TMEM242: variants seen among roughly 807,000 people sequenced by gnomAD.
TMEM242 encodes the protein UPF0463 transmembrane protein C6orf35.
In TMEM242, 10 loss-of-function variants were observed where a neutral mutation model predicts 18.2. The observed-to-expected ratio is 0.55, with a 90% confidence interval of 0.34 to 0.93. TMEM242 has a LOEUF of 0.93. Ranked by LOEUF, TMEM242 falls within the 40% of genes least tolerant of loss-of-function variation. The probability of loss-of-function intolerance (pLI) is 0.02; values close to 1 mark genes in which losing one functional copy is unlikely to be tolerated. For missense variants in TMEM242, 186 were observed against 175.5 expected, an observed-to-expected ratio of 1.06 and a Z score of -0.34; for synonymous variants, 57 against 69.9, an observed-to-expected ratio of 0.81 and a Z score of 0.92.
intron 3 of TMEM242, among the ~76,000 whole-genome samples, chr6:157,306,249 T>A (rs1249213135): frequency 6.6e-6 from 1 of 152,130 alleles, no homozygotes; most frequent in Admixed American, 6.5e-5. Context: ...GCCAGAGTGC[T>A]CTGGCAGAAG....
At chr6:157,297,783 G>A (rs587759626) in intron 3 of TMEM242, among the ~76,000 whole-genome samples, 14 of 152,306 alleles carry the variant, frequency 9.2e-5, no homozygotes, top group Non-Finnish European at 1.6e-4. Flanking sequence ...CATGGATCCT[G>A]AGATGAAATG....
chr6:157,319,605 T>C (rs1240989364), intron 2 of TMEM242, among the ~76,000 whole-genome samples: 1 of 152,242 alleles, frequency 6.6e-6, no homozygotes, highest in African/African-American at 2.4e-5. Context: ...CCAGTTGTTT[T>C]GCATGACACA....
chr6:157,301,990 G>A (rs1401016435), intron 3 of TMEM242, among the ~76,000 whole-genome samples: 2 of 152,130 alleles, frequency 1.3e-5, no homozygotes, highest in Admixed American at 1.3e-4. Context: ...AGGAGTTGGT[G>A]AGGGTGGGAA....
At chr6:157,312,219 A>T (rs1778165182) in intron 3 of TMEM242, among the ~76,000 whole-genome samples, 1 of 147,590 alleles carries the variant, frequency 6.8e-6, no homozygotes, top group African/African-American at 2.5e-5. Context: ...TAGCGTCATC[A>T]TAGTGCCCCA....
chr6:157,311,520 GCACTCAAC>G (rs1778097474), intron 3 of TMEM242, among the ~76,000 whole-genome samples: 1 of 89,814 alleles, frequency 1.1e-5, no homozygotes, highest in Non-Finnish European at 2.4e-5. Context: ...GCCCCAGTGT[GCACTCAAC>G]CGGCCTCATC....
Position 157,292,278 on chromosome 6 carries a change from G to A in TMEM242, c.*623C>T, listed in dbSNP as rs1554246867. 1 of 152,144 alleles carries A rather than the reference G, an allele frequency of 6.6e-6. No individual in the cohort carries two copies. Among genetic ancestry groups the A allele is most frequent in the Non-Finnish European group, 1.5e-5 (1 of 68,030 alleles). 9.4% of individuals were successfully genotyped at this position (152,144 alleles called of 1,614,324 possible). A position where few individuals can be genotyped will look rare whatever the true frequency, so the allele number is the denominator to read the frequency against. On this transcript the variant is annotated 3_prime_UTR_variant, in exon 4 of 4. Coordinates refer to ENST00000400788, the MANE Select transcript of TMEM242 (RefSeq NM_018452.6). The stretch of plus-strand genomic sequence containing the variant: ...TTTGGGGTGATCACAACTCATTACT[G>A]GCTTTTTGTTTTAAGTATAAGAATT...
chr6:157,311,545 T>C (rs797035164), intron 3 of TMEM242, among the ~76,000 whole-genome samples: 175 of 12,586 alleles, frequency 0.014, no homozygotes, highest in African/African-American at 0.017. Flanking sequence ...CATCATAGTG[T>C]CCCAGTGTGC....
chr6:157,306,340 G>T (rs1777918569), intron 3 of TMEM242, among the ~76,000 whole-genome samples: 1 of 152,202 alleles, frequency 6.6e-6, no homozygotes, highest in Admixed American at 6.5e-5. Flanking sequence ...GGAGCAAGAA[G>T]GTGCCATCAA....
At position 157,305,009 on chromosome 6, in the gene TMEM242, G is replaced by T. The variant is rs1261937921; in HGVS notation, c.328-12010C>A. ...TGGTGGCTCAAGATGAGGTCAGTGAGGTTGGTGGGGCTACATCATGTAAAC... is the reference window on the plus strand; with the variant it reads ...TGGTGGCTCAAGATGAGGTCAGTGATGTTGGTGGGGCTACATCATGTAAAC... On this transcript the variant is annotated intron_variant, in intron 3 of 3. Transcript: ENST00000400788. The surrounding 1 kb of genome is among the most constrained non-coding windows in gnomAD (Gnocchi z 4.1). Among the ~76,000 whole-genome samples the T allele has an allele frequency of 6.6e-6, 1 of 152,186 alleles. No individual in the cohort carries two copies. Among genetic ancestry groups the T allele is most frequent in the Non-Finnish European group, 1.5e-5 (1 of 68,032 alleles).
Position 157,310,442 on chromosome 6 carries a change from G to A in TMEM242, c.327+8340C>T, listed in dbSNP as rs797029173. Among the ~76,000 whole-genome samples, 17 of 6,276 alleles carry A rather than the reference G, an allele frequency of 2.7e-3. No individual in the cohort carries two copies. The East Asian group carries it at 0.035, about 13-fold the overall frequency. 4.1% of individuals were successfully genotyped at this position (6,276 alleles called of 152,430 possible). On this transcript the variant is annotated intron_variant, in intron 3 of 3. Coordinates refer to ENST00000400788, the MANE Select transcript of TMEM242 (RefSeq NM_018452.6). Reference sequence around the variant, plus strand: ...TGGCCTCATCATAGTGTCCCAGTGTGCACTCACCTAGCCTCATCACAGTGC... The same window carrying A: ...TGGCCTCATCATAGTGTCCCAGTGTACACTCACCTAGCCTCATCACAGTGC...
At chr6:157,300,305 C>T (rs782102206) in intron 3 of TMEM242, among the ~76,000 whole-genome samples, 8 of 152,242 alleles carry the variant, frequency 5.3e-5, no homozygotes, top group African/African-American at 9.6e-5. Flanking sequence ...ATGTACTTTC[C>T]GTTGGTGCTG....
At chr6:157,299,530 T>G in intron 3 of TMEM242, 2 of 1,480,908 alleles carry the variant, frequency 1.4e-6, no homozygotes, top group South Asian at 2.3e-5. Flanking sequence ...TACAGCCGCT[T>G]CCAATAACAC....
At chr6:157,295,575 T>C (rs1404596021) in intron 3 of TMEM242, among the ~76,000 whole-genome samples, 1 of 152,176 alleles carries the variant, frequency 6.6e-6, no homozygotes, top group Non-Finnish European at 1.5e-5. Flanking sequence ...GGCTGGGAAA[T>C]GCAGGTGAGG....
At chr6:157,297,198 T>A (rs1777762058) in intron 3 of TMEM242, among the ~76,000 whole-genome samples, 2 of 152,286 alleles carry the variant, frequency 1.3e-5, no homozygotes, top group East Asian at 1.9e-4. Context: ...AACGAAACAA[T>A]GTGCTCAGTG....
intron 3 of TMEM242, among the ~76,000 whole-genome samples, chr6:157,314,314 A>C (rs970634611): frequency 1.3e-5 from 2 of 152,150 alleles, no homozygotes; most frequent in African/African-American, 4.8e-5. Context: ...ACCTGGCCTC[A>C]TCATAGTGTC....
At chr6:157,311,311 A>G (rs1778072710) in intron 3 of TMEM242, among the ~76,000 whole-genome samples, 2 of 148,964 alleles carry the variant, frequency 1.3e-5, no homozygotes, top group Non-Finnish European at 3.0e-5. Flanking sequence ...ATAGTGTCCC[A>G]GTGTGTGTTC....
At chr6:157,313,061 T>A (rs62425600) in intron 3 of TMEM242, among the ~76,000 whole-genome samples, 1 of 87,106 alleles carries the variant, frequency 1.1e-5, no homozygotes, top group African/African-American at 4.7e-5. Context: ...CCTGGCCTCA[T>A]CATAGGGTCC....
chr6:157,318,140 T>C (rs1231823056), intron 3 of TMEM242: 1 of 152,248 alleles, frequency 6.6e-6, no homozygotes, highest in Non-Finnish European at 1.5e-5. Flanking sequence ...ATGCTTTAAC[T>C]TTTACAAAGA....
At chr6:157,322,531 T>G (rs1359030872) in intron 2 of TMEM242, among the ~76,000 whole-genome samples, 174 bp downstream of exon 2, 1 of 152,260 alleles carries the variant, frequency 6.6e-6, no homozygotes, top group African/African-American at 2.4e-5. Context: ...AGTACATCCT[T>G]CTAAATGAAA....
Sources: gnomAD v4.1 joint callset for allele counts (sites outside exome capture counted in the v4.1 genomes callset) on GRCh38, gnomAD v4.1.1 for gene constraint, Gnocchi (gnomAD v3.1) non-coding constraint, MANE v1.5 for transcripts, NCBI Gene and HGNC (gene_info 2026-07-23, HGNC 2026-07-21) for gene names.